SLC6A3: variants seen among roughly 807,000 people sequenced by gnomAD.
The protein encoded by SLC6A3 is solute carrier family 6 member 3.
Under a neutral mutation model 70.4 loss-of-function variants are expected in SLC6A3, and 19 were observed. The observed-to-expected ratio is 0.27, with a 90% CI of 0.19 to 0.40. The LOEUF (loss-of-function observed/expected upper bound fraction) is 0.40. Among genes scored for constraint, SLC6A3 ranks in the 10% least tolerant of loss-of-function variants. The pLI, the probability that SLC6A3 is intolerant of heterozygous loss-of-function variation, is 1.00. For missense variants in SLC6A3, 613 were observed against 838.5 expected (o/e 0.73, Z 3.32); for synonymous variants, 368 against 356.6 (o/e 1.03, Z -0.36).
rs555468139 is a variant in SLC6A3, at chr5:1,422,856, C to A, written c.654-842G>T. Among the ~76,000 whole-genome samples, 380 of 65,766 alleles carry A rather than the reference C, an allele frequency of 5.8e-3. 54 individuals are homozygous for A. The highest frequency in any genetic ancestry group is 0.024 in the African/African-American group (331 of 13,556). 43.1% of individuals were successfully genotyped at this position (65,766 alleles called of 152,430 possible). On this transcript the variant is annotated intron_variant, in intron 4 of 14. Transcript: ENST00000270349. ...CACGCTGCTGGGTGCCCACTGCTGC[C>A]CAGTGCTGCCCATGGTGCTGGGTGC...
rs1344369779 is a variant in SLC6A3, at chr5:1,411,828, A to G, written c.1157-473T>C. On this transcript the variant is annotated intron_variant, in intron 8 of 14. Transcript: ENST00000270349. This position sits in a 1 kb window ranked among gnomAD's most constrained non-coding sequence, Gnocchi z 6.5. ...CATACCATGCAACATACACACTCAG[A>G]CACACATACCATGCAACATACACAC... Among the ~76,000 whole-genome samples, 1 of 150,622 alleles carries G rather than the reference A, an allele frequency of 6.6e-6. No homozygotes were observed. Among genetic ancestry groups the G allele is most frequent in the Non-Finnish European group, 1.5e-5 (1 of 67,368 alleles).
chr5:1,416,233 C>G, intron 6 of SLC6A3, 32 bp from the exon 7 acceptor site: 1 of 1,555,132 alleles, frequency 6.4e-7, no homozygotes, highest in Admixed American at 1.7e-5. Flanking sequence ...AGAGGCTGTC[C>G]CAGGAGAACG....
chr5:1,440,380 T>C (rs1347965100), intron 3 of SLC6A3, among the ~76,000 whole-genome samples: 2 of 152,032 alleles, frequency 1.3e-5, no homozygotes, highest in Non-Finnish European at 2.9e-5. Context: ...GATAGATCCA[T>C]AGATAGATGA....
Position 1,442,888 on chromosome 5 carries a change from C to T in SLC6A3, c.286+24G>A, listed in dbSNP as rs753588165. ...ACGACCCCCGCCCGGCCAGCATGCTCAGGGAGGCTGAGATGGGACTTACCG... is the reference window on the plus strand; with the variant it reads ...ACGACCCCCGCCCGGCCAGCATGCTTAGGGAGGCTGAGATGGGACTTACCG... On this transcript the variant is annotated intron_variant, in intron 2 of 14. Transcript: ENST00000270349. This position sits in a 1 kb window ranked among gnomAD's most constrained non-coding sequence, Gnocchi z 5.0. The T allele has an allele frequency of 3.1e-6, 5 of 1,613,958 alleles. No homozygotes were observed. The South Asian group carries it at 5.5e-5, about 18-fold the overall frequency.
At chr5:1,443,585 A>G (rs556301638) in intron 1 of SLC6A3, among the ~76,000 whole-genome samples, 4 of 152,296 alleles carry the variant, frequency 2.6e-5, no homozygotes, top group South Asian at 4.1e-4. Flanking sequence ...TATCACTTCC[A>G]CCTTCCCCCA....
chr5:1,420,278 A>G (rs1052129092), intron 6 of SLC6A3, among the ~76,000 whole-genome samples: 3 of 152,158 alleles, frequency 2.0e-5, no homozygotes, highest in African/African-American at 7.2e-5. Flanking sequence ...CCCATCCCCC[A>G]TGGCCCAGCT....
chr5:1,395,068 G>C (rs1755683028), intron 14 of SLC6A3, among the ~76,000 whole-genome samples: 1 of 152,244 alleles, frequency 6.6e-6, no homozygotes, highest in Admixed American at 6.5e-5. Flanking sequence ...GAGTCTGAGA[G>C]ATGCCGGGCA....
In SLC6A3 at chr5:1,443,121, G is replaced by C. The variant is rs757417973; in HGVS notation, c.77C>G (p.Pro26Arg). The C allele has an allele frequency of 1.5e-5, 24 of 1,614,180 alleles. No homozygotes were observed. Among genetic ancestry groups the C allele is most frequent in the East Asian group, 2.2e-5 (1 of 44,886 alleles). Reference protein sequence around the residue: ...APAKEPNAVGPKEVELILVKE... With the variant: ...APAKEPNAVGRKEVELILVKE... ...GACAAGGATGAGCTCCACCTCCTTC[G>C]GGCCCACGGCATTGGGCTCCTTAGC... is the stretch of plus-strand genomic sequence containing the variant. The change falls in exon 2 of 15, where the codon CCG (proline) becomes CGG (arginine). Residue 26 changes from proline (P) to arginine (R), a missense_variant. Physicochemically the swap from Pro to Arg is moderately radical, Grantham distance 103 (BLOSUM62 -2). Transcript: ENST00000270349.
chr5:1,425,781 A>G (rs1186248537), intron 4 of SLC6A3, among the ~76,000 whole-genome samples: 3 of 152,242 alleles, frequency 2.0e-5, no homozygotes, highest in Non-Finnish European at 4.4e-5. Flanking sequence ...AGAGAATAAT[A>G]TCTAAAATAT....
At chr5:1,416,671 AAC>A (rs1756301241) in intron 6 of SLC6A3, 1 of 298,430 alleles carries the variant, frequency 3.4e-6, no homozygotes, top group African/African-American at 2.2e-5. Flanking sequence ...TAGCCCTCAG[AAC>A]AGCACGGACT....
intron 11 of SLC6A3, among the ~76,000 whole-genome samples, chr5:1,407,956 C>G (rs753631368): frequency 2.0e-4 from 30 of 152,116 alleles, no homozygotes; most frequent in Non-Finnish European, 3.4e-4. Flanking sequence ...AAAACCGGGG[C>G]TCACGCAGCA....
intron 1 of SLC6A3, among the ~76,000 whole-genome samples, chr5:1,443,672 T>C (rs1733735001): frequency 6.6e-6 from 1 of 151,250 alleles, no homozygotes. Flanking sequence ...GTATTCTTTT[T>C]TCTTTTTTTT....
intron 4 of SLC6A3, 24 bp from the exon 5 acceptor site, chr5:1,422,038 A>T: frequency 6.2e-7 from 1 of 1,605,312 alleles, no homozygotes; most frequent in Non-Finnish European, 8.5e-7. Context: ...TCAGCGGGGG[A>T]CTCTGTGGGT....
At chr5:1,410,568 C>T (rs934297021) in intron 9 of SLC6A3, among the ~76,000 whole-genome samples, 3 of 152,162 alleles carry the variant, frequency 2.0e-5, no homozygotes, top group Admixed American at 6.5e-5. Flanking sequence ...ACCCGCCACC[C>T]CCAGCAGCTG....
rs1284375781 is a variant in SLC6A3, at chr5:1,409,794, T to G, written c.1325A>C (p.His442Pro). ...GAGCGTGAAGAGCTCACGGTGTCTG[T>G]GCAGCAGCTGGAACTCATCGATGAG... ...TGLIDEFQLL[H>P]RHRELFTLFI... The change falls in exon 10 of 15, where the codon CAC becomes CCC. Residue 442 changes from histidine (H) to proline (P), a missense_variant. Physicochemically the swap from His to Pro is moderately conservative, Grantham distance 77. Coordinates refer to ENST00000270349, the MANE Select transcript of SLC6A3 (RefSeq NM_001044.5). 6.2e-7 allele frequency: 1 copy of G among 1,613,442 alleles called. No individual in the cohort carries two copies. The highest frequency in any genetic ancestry group is 8.5e-7 in the Non-Finnish European group (1 of 1,179,990).
chr5:1,420,524 C>G, intron 6 of SLC6A3, 45 bp downstream of exon 6: 3 of 1,611,028 alleles, frequency 1.9e-6, no homozygotes, highest in Non-Finnish European at 2.5e-6. Context: ...CCTGGGAATG[C>G]CAGAGCCCCT....
rs1295730193 is a variant in SLC6A3, at chr5:1,404,779, A to G, written c.1599+1409T>C. On this transcript the variant is annotated intron_variant, in intron 12 of 14. Coordinates refer to ENST00000270349, the MANE Select transcript of SLC6A3 (RefSeq NM_001044.5). The surrounding 1 kb of genome is among the most constrained non-coding windows in gnomAD (Gnocchi z 5.2). ...CAATGAAATTGTCATGTTTCTCTCA[A>G]CTTGGCAAAATGAAGTCCTGTTTCG... 6.6e-6 allele frequency among the ~76,000 whole-genome samples: 1 copy of G among 152,274 alleles called. No homozygotes were observed. Among genetic ancestry groups the G allele is most frequent in the African/African-American group, 2.4e-5 (1 of 41,472 alleles).
At position 1,436,379 on chromosome 5, in the gene SLC6A3, A is replaced by C. The variant is rs1756836471; in HGVS notation, c.419-3681T>G. On this transcript the variant is annotated intron_variant, in intron 3 of 14. Coordinates refer to ENST00000270349, the MANE Select transcript of SLC6A3 (RefSeq NM_001044.5). The surrounding 1 kb of genome is among the most constrained non-coding windows in gnomAD (Gnocchi z 5.2). ...TCACCTGACACATTTCTTAAACACCATTTAGTGACACGGGAGACTGTCTCC... is the reference window on the plus strand; with the variant it reads ...TCACCTGACACATTTCTTAAACACCCTTTAGTGACACGGGAGACTGTCTCC... Among the ~76,000 whole-genome samples, 1 of 152,128 alleles carries C rather than the reference A, an allele frequency of 6.6e-6. No homozygotes were observed. Among genetic ancestry groups the C allele is most frequent in the Non-Finnish European group, 1.5e-5 (1 of 68,018 alleles).
At chr5:1,410,595 A>G (rs1459782292) in intron 9 of SLC6A3, among the ~76,000 whole-genome samples, 3 of 152,182 alleles carry the variant, frequency 2.0e-5, no homozygotes, top group Non-Finnish European at 4.4e-5. Context: ...CAGGGGCCAC[A>G]CACAAAGCAT....
Sources: allele counts gnomAD v4.1 joint callset (sites outside exome capture counted in the v4.1 genomes callset), GRCh38; gene constraint gnomAD v4.1.1; non-coding constraint Gnocchi (gnomAD v3.1); transcripts MANE v1.5; gene names NCBI Gene and HGNC (gene_info 2026-07-23, HGNC 2026-07-21).